The following CHAT variants were observed in gnomAD, a reference collection of about 807,000 sequenced individuals.
The protein encoded by CHAT is acetyl CoA:choline O-acetyltransferase.
In CHAT, 61 loss-of-function variants were observed where a neutral mutation model predicts 76.9. The observed-to-expected ratio is 0.79, with a 90% CI of 0.65 to 0.98. CHAT has a LOEUF of 0.98. Among genes scored for constraint, CHAT ranks in the 50% least tolerant of loss-of-function variants. CHAT has a pLI of 0.00. For synonymous variants in CHAT, 407 were observed against 397.4 expected (o/e 1.02, Z -0.29); for missense variants, 946 against 986.9 (o/e 0.96, Z 0.56).
rs569359036 is a variant in CHAT, at chr10:49,666,626, C to A, written c.*1580C>A. On this transcript the variant is annotated 3_prime_UTR_variant, in exon 15 of 15. Transcript: ENST00000337653. ...TGGCAGAGGTGGGGTGGGCATTTGA[C>A]CTTTGCTCAGCTCTTTGAAAACACA... Among the ~76,000 whole-genome samples, 1 of 152,278 alleles carries A rather than the reference C, an allele frequency of 6.6e-6. No homozygotes were observed. Among genetic ancestry groups the A allele is most frequent in the South Asian group, 2.1e-4 (1 of 4,818 alleles).
At chr10:49,610,858 T>C, upstream of CHAT, 1 of 1,612,724 alleles carries the variant, frequency 6.2e-7, no homozygotes, top group Non-Finnish European at 8.5e-7. Context: ...TGTTATCGTG[T>C]GCGTGGCGCT....
At chr10:49,653,057 TCTAGA>T (rs369730521) in intron 11 of CHAT, among the ~76,000 whole-genome samples, 20 of 152,154 alleles carry the variant, frequency 1.3e-4, no homozygotes, top group African/African-American at 4.6e-4. Context: ...GGCTTTGTTT[TCTAGA>T]CTATCCCCGC....
intron 9 of CHAT, 86 bp from the exon 10 acceptor site, chr10:49,649,422 C>A (rs201661885): frequency 4.5e-5 from 71 of 1,593,388 alleles, no homozygotes; most frequent in Admixed American, 1.5e-4. Flanking sequence ...ACACTGACAG[C>A]TAAGATGATT....
intron 5 of CHAT, 25 bp from the exon 6 acceptor site, chr10:49,625,448 C>T (rs1382516848): frequency 1.2e-6 from 2 of 1,610,978 alleles, no homozygotes; most frequent in Non-Finnish European, 1.7e-6. Flanking sequence ...TCGTGGCTGC[C>T]TCCCTTCCCA....
intron 7 of CHAT, among the ~76,000 whole-genome samples, chr10:49,637,172 C>T (rs1839323065): frequency 6.6e-6 from 1 of 151,356 alleles, no homozygotes; most frequent in South Asian, 2.1e-4. Flanking sequence ...ATCTTGCTTG[C>T]TTTGGGTTTT....
chr10:49,649,477 G>A, intron 9 of CHAT, 31 bp from the exon 10 acceptor site: 1 of 1,613,612 alleles, frequency 6.2e-7, no homozygotes, highest in Non-Finnish European at 8.5e-7. Context: ...TCTGGCCGCA[G>A]AGCCTCAGGA....
intron 1 of CHAT, among the ~76,000 whole-genome samples, chr10:49,615,004 A>AGACG (rs56252974): frequency 6.6e-6 from 1 of 151,654 alleles, no homozygotes; most frequent in African/African-American, 2.4e-5. Context: ...CACAAAACAC[A>AGACG]AACAGACATA....
At chr10:49,615,862 A>G (rs1838470916) in intron 1 of CHAT, 3 of 619,296 alleles carry the variant, frequency 4.8e-6, no homozygotes, top group Non-Finnish European at 8.6e-6. Flanking sequence ...GGCAGCCTGC[A>G]GACCCGAGAC....
intron 7 of CHAT, among the ~76,000 whole-genome samples, chr10:49,644,584 C>A (rs1430775215): frequency 6.6e-6 from 1 of 152,134 alleles, no homozygotes; most frequent in Non-Finnish European, 1.5e-5. Context: ...AGGAGGGGTT[C>A]TGAAAGCACA....
intron 13 of CHAT, chr10:49,661,396 T>C (rs1489181258): frequency 6.6e-6 from 1 of 152,206 alleles, no homozygotes; most frequent in Non-Finnish European, 1.5e-5. Context: ...TCACCGTTCT[T>C]TCCTTCGGTC....
intron 7 of CHAT, among the ~76,000 whole-genome samples, chr10:49,634,535 T>G (rs1465838568): frequency 6.6e-6 from 1 of 152,226 alleles, no homozygotes; most frequent in African/African-American, 2.4e-5. Flanking sequence ...CTATGAACTC[T>G]GTGGTGCATT....
intron 8 of CHAT, among the ~76,000 whole-genome samples, chr10:49,647,437 C>G (rs993775712): frequency 2.0e-5 from 3 of 152,180 alleles, no homozygotes; most frequent in African/African-American, 7.2e-5. Flanking sequence ...TAGTATAAAA[C>G]AGCAGGCAAA....
At chr10:49,630,555 A>G (rs1485326028) in intron 7 of CHAT, among the ~76,000 whole-genome samples, 2 of 152,224 alleles carry the variant, frequency 1.3e-5, no homozygotes, top group Non-Finnish European at 1.5e-5. Context: ...ACCAGTGAGT[A>G]TGGTCGACTT....
At chr10:49,609,828 C>A (rs1016782614), upstream of CHAT, among the ~76,000 whole-genome samples, 6 of 152,136 alleles carry the variant, frequency 3.9e-5, no homozygotes, top group African/African-American at 1.4e-4. Flanking sequence ...AATCCAGCTG[C>A]GAGAACAGAT....
chr10:49,639,223 G>A (rs1466259562), intron 7 of CHAT, among the ~76,000 whole-genome samples: 6 of 152,114 alleles, frequency 3.9e-5, no homozygotes, highest in South Asian at 4.1e-4. Context: ...GTGACAGAGC[G>A]AGACTCCATT....
chr10:49,653,418 T>G (rs1248602072), intron 11 of CHAT, among the ~76,000 whole-genome samples: 2 of 130,966 alleles, frequency 1.5e-5, no homozygotes, highest in African/African-American at 5.0e-5. Flanking sequence ...GGTAAAGCTC[T>G]GCCCTCCAAC....
In CHAT at chr10:49,625,660, A is replaced by T; in HGVS notation, c.933+7A>T. 6.4e-7 allele frequency: 1 copy of T among 1,561,134 alleles called. No homozygotes were observed. The highest frequency in any genetic ancestry group is 8.7e-7 in the Non-Finnish European group (1 of 1,151,688). ...CGTAGCCTGCTGCAATCAGGTAAGC[A>T]ACCCCTTGTCTTGGTGAGGGAGGGC... On this transcript the variant is annotated splice_region_variant and intron_variant, in intron 6 of 14. Transcript: ENST00000337653.
intron 7 of CHAT, among the ~76,000 whole-genome samples, chr10:49,632,852 G>A (rs1839171181): frequency 6.6e-6 from 1 of 152,190 alleles, no homozygotes; most frequent in Admixed American, 6.5e-5. Context: ...GGACTGCCAG[G>A]GTGGCACAGC....
chr10:49,621,867 A>G (rs1838723078), intron 4 of CHAT, among the ~76,000 whole-genome samples: 1 of 89,600 alleles, frequency 1.1e-5, no homozygotes, highest in Admixed American at 1.3e-4. Context: ...GGCAAGAACC[A>G]CATCTGATTA....
Sources: allele counts gnomAD v4.1 joint callset (sites outside exome capture counted in the v4.1 genomes callset), GRCh38; gene constraint gnomAD v4.1.1; transcripts MANE v1.5; gene names NCBI Gene and HGNC (gene_info 2026-07-23, HGNC 2026-07-21).